Variants in IFIH1 observed in about 807,000 individuals in gnomAD.
IFIH1 encodes interferon induced with helicase C domain 1.
In IFIH1, 125 loss-of-function variants were observed where a neutral mutation model predicts 107.4. The observed-to-expected ratio is 1.16, with a 90% CI of 1.01 to 1.35. The LOEUF (loss-of-function observed/expected upper bound fraction) is 1.35, where lower values mean the gene tolerates loss of function less well. Ranked by LOEUF, IFIH1 falls within the 40% of genes most tolerant of loss-of-function variation. The pLI is 0.00. For synonymous variants in IFIH1, 458 were observed against 413.2 expected (o/e 1.11, Z -1.31); for missense variants, 1,333 against 1,213.7 (o/e 1.10, Z -1.46).
intron 3 of IFIH1, among the ~76,000 whole-genome samples, chr2:162,295,493 T>C (rs980919387): frequency 6.6e-6 from 1 of 151,968 alleles, no homozygotes; most frequent in Non-Finnish European, 1.5e-5. Context: ...TTACAGCCAA[T>C]GCCAATCAAA....
rs1558877337 is a variant in IFIH1, at chr2:162,314,395, CCTCCTTTCTTTCTTTCTTTCT to C, written c.453+3439_453+3459del. On this transcript the variant is annotated intron_variant, in intron 1 of 15. Transcript: ENST00000649979. The stretch of plus-strand genomic sequence containing the variant: ...CCCTCCCTCCCTCCCTCCCTCCCTC[CCTCCTTTCTTTCTTTCTTTCT>C]TTTCTTTCTTTCTTTCTTTCTTTCT... Among the ~76,000 whole-genome samples the C allele has an allele frequency of 1.3e-3, 78 of 60,490 alleles. 2 individuals carry two copies. The highest frequency in any genetic ancestry group is 2.4e-3 in the South Asian group (3 of 1,242). The allele number at this position is 60,490 out of a possible 152,430, so 39.7% of individuals were successfully genotyped here.
At chr2:162,275,982 G>C (rs1322426845) in intron 11 of IFIH1, among the ~76,000 whole-genome samples, 1 of 152,054 alleles carries the variant, frequency 6.6e-6, no homozygotes, top group Admixed American at 6.6e-5. Context: ...AATATATTTT[G>C]CATAGTTCTA....
In IFIH1 at chr2:162,277,474, T is replaced by C. The variant is rs1225412715; in HGVS notation, c.1985A>G (p.Asp662Gly). ...ATCCAGTTTCAAAGGTTTCTTTAAA[T>C]CATCCTCATCTTCATCACCATCACA... is the stretch of plus-strand genomic sequence containing the variant. ...EYCDGDEDED[D>G]LKKPLKLDET... Residue 662 changes from aspartate to glycine, a missense_variant, in exon 10 of 16, where the codon GAT becomes GGT. Coordinates refer to ENST00000649979, the MANE Select transcript of IFIH1 (RefSeq NM_022168.4). 1 of 1,606,914 alleles carries C rather than the reference T, an allele frequency of 6.2e-7. No individual in the cohort carries two copies. The highest frequency in any genetic ancestry group is 2.2e-5 in the East Asian group (1 of 44,762).
chr2:162,308,568 C>A (rs538052313), intron 2 of IFIH1, among the ~76,000 whole-genome samples: 1 of 151,814 alleles, frequency 6.6e-6, no homozygotes, highest in Non-Finnish European at 1.5e-5. Context: ...AGTAGAGATG[C>A]GGTTTCGCCA....
chr2:162,296,002 G>A (rs1232180828), intron 3 of IFIH1, among the ~76,000 whole-genome samples: 1 of 151,966 alleles, frequency 6.6e-6, no homozygotes, highest in Non-Finnish European at 1.5e-5. Flanking sequence ...GAGAACTGAA[G>A]AGAATACCAA....
At chr2:162,277,029 C>A in intron 10 of IFIH1, 83 bp from the exon 11 acceptor site, 1 of 947,700 alleles carries the variant, frequency 1.1e-6, no homozygotes, top group Non-Finnish European at 1.6e-6. Flanking sequence ...ACATTTTGTA[C>A]ACCAAAAATA....
chr2:162,286,392 T>C (rs1397675329), intron 5 of IFIH1, among the ~76,000 whole-genome samples: 3 of 151,864 alleles, frequency 2.0e-5, no homozygotes, highest in Non-Finnish European at 2.9e-5. Context: ...GTCTTGTTAG[T>C]AGGGGGACCT....
At chr2:162,270,006 G>A (rs1048104788) in intron 13 of IFIH1, among the ~76,000 whole-genome samples, 4 of 152,108 alleles carry the variant, frequency 2.6e-5, no homozygotes, top group Non-Finnish European at 5.9e-5. Flanking sequence ...TCACATACAT[G>A]TGGGAATTAA....
chr2:162,271,455 C>T (rs185928459), intron 13 of IFIH1, among the ~76,000 whole-genome samples: 53 of 97,404 alleles, frequency 5.4e-4, no homozygotes, highest in Middle Eastern at 9.4e-3. Flanking sequence ...CAGGGCCTGT[C>T]GTGGGGTGGG....
intron 2 of IFIH1, among the ~76,000 whole-genome samples, chr2:162,308,849 GC>G (rs1417832361): frequency 6.6e-6 from 1 of 152,116 alleles, no homozygotes; most frequent in African/African-American, 2.4e-5. Context: ...CATCTCATCA[GC>G]CCAAGTGCCT....
At position 162,288,162 on chromosome 2, in the gene IFIH1, A is replaced by T. The variant is rs776302996; in HGVS notation, c.1068T>A (p.Pro356=). The change falls in exon 5 of 16, where the codon CCT becomes CCA. Residue 356 remains proline (P), a synonymous_variant. Coordinates refer to ENST00000649979, the MANE Select transcript of IFIH1 (RefSeq NM_022168.4). Reference sequence around the variant, plus strand: ...TATTGACAAGAACTATAACTTTTCCAGGCTCAGATGCTTTTTTCTTCTTGT... The same window carrying T: ...TATTGACAAGAACTATAACTTTTCCTGGCTCAGATGCTTTTTTCTTCTTGT... ...HLDKKKKASE[P]GKVIVLVNKV... is the part of the protein sequence containing the mutation. 2 of 1,611,746 alleles carry T rather than the reference A, an allele frequency of 1.2e-6. No homozygotes were observed. Among genetic ancestry groups the T allele is most frequent in the South Asian group, 2.2e-5 (2 of 91,028 alleles).
rs764489663 is a variant in IFIH1, at chr2:162,272,241, C to A, written c.2601G>T (p.Glu867Asp). 2 of 1,611,678 alleles carry A rather than the reference C, an allele frequency of 1.2e-6. No individual in the cohort carries two copies. The highest frequency in any genetic ancestry group is 1.7e-6 in the Non-Finnish European group (2 of 1,178,850). Residue 867 changes from glutamate (E) to aspartate (D), a missense_variant, in exon 13 of 16, where the codon GAG becomes GAT. By Grantham distance (45) the Glu-to-Asp change is conservative. Transcript: ENST00000649979. ...AIHCVQNMKP[E>D]EYAHKILELQ... The stretch of plus-strand genomic sequence containing the variant: ...CCAACAATACCTTATGAGCATACTC[C>A]TCTGGTTTCATATTTTGAACACAAT...
intron 3 of IFIH1, among the ~76,000 whole-genome samples, chr2:162,300,139 A>G (rs561909769): frequency 1.5e-4 from 23 of 152,220 alleles, no homozygotes; most frequent in South Asian, 6.2e-4. Flanking sequence ...TTCCTTCATT[A>G]GAGTATAAAC....
chr2:162,292,948 G>A (rs568037894), intron 4 of IFIH1, among the ~76,000 whole-genome samples: 3 of 151,942 alleles, frequency 2.0e-5, no homozygotes, highest in African/African-American at 7.2e-5. Flanking sequence ...CTGATAACAG[G>A]AAGTAATAAT....
At chr2:162,306,914 A>T (rs1683291396) in intron 2 of IFIH1, 59 bp from the exon 3 acceptor site, 1 of 1,450,874 alleles carries the variant, frequency 6.9e-7, no homozygotes, top group East Asian at 2.3e-5. Context: ...TGTAGAGCAT[A>T]CATAACTGTT....
intron 3 of IFIH1, among the ~76,000 whole-genome samples, chr2:162,305,882 T>C (rs1683272038): frequency 6.6e-6 from 1 of 152,254 alleles, no homozygotes; most frequent in Admixed American, 6.5e-5. Flanking sequence ...GATGTGCCAC[T>C]GCACAGCTCT....
intron 12 of IFIH1, 26 bp downstream of exon 12, chr2:162,273,769 T>G: frequency 6.9e-7 from 1 of 1,444,538 alleles, no homozygotes; most frequent in Non-Finnish European, 9.3e-7. Flanking sequence ...AAAATTAACA[T>G]AGTAAGTAGA....
intron 13 of IFIH1, 151 bp from the exon 14 acceptor site, chr2:162,268,428 C>T (rs1235445674): frequency 3.6e-6 from 2 of 554,760 alleles, no homozygotes; most frequent in Non-Finnish European, 6.3e-6. Flanking sequence ...GTAATGACCC[C>T]CCAAAGAATT....
intron 5 of IFIH1, among the ~76,000 whole-genome samples, chr2:162,286,274 A>T (rs1337471568): frequency 6.6e-6 from 1 of 151,910 alleles, no homozygotes; most frequent in Non-Finnish European, 1.5e-5. Flanking sequence ...TAGGCTGGAG[A>T]ATTAGGACTT....
Sources: allele counts gnomAD v4.1 joint callset (sites outside exome capture counted in the v4.1 genomes callset), GRCh38; gene constraint gnomAD v4.1.1; transcripts MANE v1.5; gene names NCBI Gene and HGNC (gene_info 2026-07-23, HGNC 2026-07-21).